Variants in ASIC2 observed in about 807,000 individuals in gnomAD.
ASIC2 encodes acid sensing ion channel subunit 2.
ASIC2 carries 25 observed loss-of-function variants against 57.3 expected under a neutral mutation model. That is an observed-to-expected ratio of 0.44 (90% CI 0.32 to 0.61). ASIC2 has a LOEUF of 0.61. Among genes scored for constraint, ASIC2 ranks in the 20% least tolerant of loss-of-function variants. The probability of loss-of-function intolerance (pLI) is 0.06; values close to 1 mark genes in which losing one functional copy is unlikely to be tolerated. For synonymous variants in ASIC2, 319 were observed against 307.5 expected, an observed-to-expected ratio of 1.04 and a Z score of -0.39; for missense variants, 641 against 738.1, an observed-to-expected ratio of 0.87 and a Z score of 1.52.
At chr17:33,729,938 C>A (rs1909688162) in intron 1 of ASIC2, among the ~76,000 whole-genome samples, 1 of 152,174 alleles carries the variant, frequency 6.6e-6, no homozygotes, top group Admixed American at 6.5e-5. Flanking sequence ...TAGAAAAAAG[C>A]AAAGCTGGCA....
Position 33,830,370 on chromosome 17 carries a change from G to A in ASIC2, c.555+325608C>T, listed in dbSNP as rs78342573. Among the ~76,000 whole-genome samples, 97 of 152,072 alleles carry A rather than the reference G, an allele frequency of 6.4e-4. 1 individual carries two copies. Among genetic ancestry groups the A allele is most frequent in the African/African-American group, 2.3e-3 (97 of 41,476 alleles). On this transcript the variant is annotated intron_variant, in intron 1 of 9. Coordinates refer to the ASIC2 transcript ENST00000359872. The stretch of plus-strand genomic sequence containing the variant: ...CCTCCTTTTTGTCAAAATAAAAGTG[G>A]GCCCTTCACCTGTTCTTGGCATGAG...
intron 1 of ASIC2, among the ~76,000 whole-genome samples, chr17:33,457,862 C>T (rs2141993991): frequency 6.6e-6 from 1 of 152,322 alleles, no homozygotes; most frequent in Non-Finnish European, 1.5e-5. Context: ...CTCAATGCCA[C>T]ATAATTCCTG....
At chr17:33,228,065 T>C (rs979831703) in intron 1 of ASIC2, among the ~76,000 whole-genome samples, 2 of 152,186 alleles carry the variant, frequency 1.3e-5, no homozygotes, top group Non-Finnish European at 2.9e-5. Context: ...GACAGTGTAC[T>C]CCACATGGGG....
chr17:33,354,504 C>T (rs1001043742), intron 1 of ASIC2, among the ~76,000 whole-genome samples: 4 of 152,114 alleles, frequency 2.6e-5, no homozygotes, highest in Admixed American at 2.0e-4. Context: ...AGGCCTAAAC[C>T]CTCAGCCAGG....
At chr17:33,597,845 T>C (rs1276635000) in intron 1 of ASIC2, among the ~76,000 whole-genome samples, 1 of 152,238 alleles carries the variant, frequency 6.6e-6, no homozygotes, top group Non-Finnish European at 1.5e-5. Flanking sequence ...TTCTGTCCTT[T>C]TGTTTTGGAT....
At chr17:33,497,438 A>C (rs1313216441) in intron 1 of ASIC2, among the ~76,000 whole-genome samples, 1 of 152,184 alleles carries the variant, frequency 6.6e-6, no homozygotes, top group African/African-American at 2.4e-5. Flanking sequence ...TCATTTTTAC[A>C]AGAATAGGTC....
At chr17:33,505,952 A>C (rs1020817540) in intron 1 of ASIC2, among the ~76,000 whole-genome samples, 1 of 152,218 alleles carries the variant, frequency 6.6e-6, no homozygotes, top group African/African-American at 2.4e-5. Flanking sequence ...CTCCTTGAAA[A>C]AAGGGATTGC....
chr17:33,899,278 T>C (rs1468575397), intron 1 of ASIC2, among the ~76,000 whole-genome samples: 2 of 152,254 alleles, frequency 1.3e-5, no homozygotes, highest in Non-Finnish European at 2.9e-5. Flanking sequence ...GGGCCAGCTG[T>C]CAGCACCGAG....
At chr17:33,958,220 A>C (rs1260382990) in intron 1 of ASIC2, among the ~76,000 whole-genome samples, 1 of 152,180 alleles carries the variant, frequency 6.6e-6, no homozygotes, top group Admixed American at 6.5e-5. Flanking sequence ...TTCCAGGTGC[A>C]CGATGCAAGC....
chr17:33,780,124 C>T (rs969509414), intron 1 of ASIC2, among the ~76,000 whole-genome samples: 1 of 151,944 alleles, frequency 6.6e-6, no homozygotes, highest in Non-Finnish European at 1.5e-5. Context: ...GTGCCCGCCA[C>T]CATGCCTGCC....
chr17:33,040,730 T>G lies in ASIC2; in HGVS notation c.988-12338A>C, dbSNP rs371139882. On this transcript the variant is annotated intron_variant, in intron 3 of 9. Transcript: ENST00000225823. ...GCCTTGGGAACGGAGGCAAAAAGTC[T>G]CCTTTGCAGTCTGTTTTTCAGACAG... Among the ~76,000 whole-genome samples the G allele has an allele frequency of 3.2e-4, 49 of 152,314 alleles. No homozygotes were observed. The East Asian group carries it at 4.1e-3, about 13-fold the overall frequency.
chr17:33,122,462 A>G (rs2092306557), intron 1 of ASIC2, among the ~76,000 whole-genome samples: 1 of 152,138 alleles, frequency 6.6e-6, no homozygotes, highest in Non-Finnish European at 1.5e-5. Context: ...CTGAGCTCCT[A>G]TAGGATGTGA....
At chr17:34,147,753 T>A (rs555729191) in intron 1 of ASIC2, among the ~76,000 whole-genome samples, 3 of 152,228 alleles carry the variant, frequency 2.0e-5, no homozygotes, top group Non-Finnish European at 4.4e-5. Context: ...CTCAGCTCCA[T>A]CAAACATAAA....
intron 3 of ASIC2, among the ~76,000 whole-genome samples, chr17:33,048,794 CG>C (rs1567726509): frequency 6.6e-6 from 1 of 152,140 alleles, no homozygotes; most frequent in East Asian, 1.9e-4. Flanking sequence ...GTCCCTGGTA[CG>C]GGGGTCTCCC....
intron 1 of ASIC2, among the ~76,000 whole-genome samples, chr17:34,115,980 C>T (rs1051041121): frequency 1.3e-5 from 2 of 152,116 alleles, no homozygotes. Flanking sequence ...GAGACACAAA[C>T]CCAGAGAAGG....
At chr17:33,120,487 A>G (rs1461905831) in intron 1 of ASIC2, among the ~76,000 whole-genome samples, 5 of 152,216 alleles carry the variant, frequency 3.3e-5, no homozygotes, top group African/African-American at 4.8e-5. Flanking sequence ...CTGGCAGATG[A>G]CACAGAGGCA....
At chr17:34,031,728 T>G (rs1465209254) in intron 1 of ASIC2, among the ~76,000 whole-genome samples, 1 of 152,166 alleles carries the variant, frequency 6.6e-6, no homozygotes, top group Non-Finnish European at 1.5e-5. Context: ...GAAGCCTCAG[T>G]AGCCAATGCG....
intron 1 of ASIC2, among the ~76,000 whole-genome samples, chr17:33,175,732 C>G (rs545932392): frequency 6.6e-6 from 1 of 152,278 alleles, no homozygotes; most frequent in South Asian, 2.1e-4. Flanking sequence ...TCCTCTCCCT[C>G]CTTGCTTCTC....
intron 1 of ASIC2, among the ~76,000 whole-genome samples, chr17:33,377,760 C>A (rs1567841226): frequency 6.6e-6 from 1 of 152,242 alleles, no homozygotes; most frequent in Non-Finnish European, 1.5e-5. Context: ...CCTAGCTCCT[C>A]TGACCTTCAT....
Sources: allele counts gnomAD v4.1 joint callset (sites outside exome capture counted in the v4.1 genomes callset), GRCh38; gene constraint gnomAD v4.1.1; transcripts MANE v1.5; gene names NCBI Gene and HGNC (gene_info 2026-07-23, HGNC 2026-07-21).